ANXA4: variants seen among roughly 807,000 people sequenced by gnomAD.
The protein encoded by ANXA4 is annexin A4.
Under a neutral mutation model 49.8 loss-of-function variants are expected in ANXA4, and 39 were observed. The observed-to-expected ratio is 0.78, with a 90% CI of 0.61 to 1.02. ANXA4 has a LOEUF of 1.02. Among genes scored for constraint, ANXA4 ranks in the 50% least tolerant of loss-of-function variants. The probability of loss-of-function intolerance (pLI) is 0.00; values close to 1 mark genes in which losing one functional copy is unlikely to be tolerated. For missense variants in ANXA4, 360 were observed against 410.1 expected, an observed-to-expected ratio of 0.88 and a Z score of 1.05; for synonymous variants, 134 against 152.5, an observed-to-expected ratio of 0.88 and a Z score of 0.89.
chr2:69,811,499 G>A (rs990800498), intron 7 of ANXA4: 1 of 152,222 alleles, frequency 6.6e-6, no homozygotes, highest in Admixed American at 6.5e-5. Context: ...AATAAAGCAG[G>A]ACTGAGCTAG....
Position 69,819,326 on chromosome 2 carries a change from T to C in ANXA4, c.771T>C (p.Tyr257=), listed in dbSNP as rs1674133809. 3 of 1,607,908 alleles carry C rather than the reference T, an allele frequency of 1.9e-6. No homozygotes were observed. The highest frequency in any genetic ancestry group is 1.7e-6 in the Non-Finnish European group (2 of 1,176,246). ...NKSAYFAEKL[Y]KSMKGLGTDD... ...CTGCATATTTTGCTGAAAAGCTCTA[T>C]AAATCGATGAAGGTAAATGGCCTTA... The change falls in exon 11 of 13, where the codon TAT becomes TAC. Residue 257 remains tyrosine (Y), a synonymous_variant. Transcript: ENST00000394295.
intron 1 of ANXA4, among the ~76,000 whole-genome samples, chr2:69,763,573 G>A (rs1671380125): frequency 6.6e-6 from 1 of 151,030 alleles, no homozygotes; most frequent in African/African-American, 2.4e-5. Flanking sequence ...CTTCCCTCCT[G>A]TACTTTAATT....
intron 1 of ANXA4, among the ~76,000 whole-genome samples, chr2:69,763,913 G>T (rs575645801): frequency 7.2e-5 from 11 of 151,930 alleles, no homozygotes; most frequent in African/African-American, 2.7e-4. Context: ...TGCCCTCCTC[G>T]GCCTCCCAAA....
chr2:69,661,456 C>G (rs1676714360), intron 2 of ANXA4, among the ~76,000 whole-genome samples: 1 of 151,294 alleles, frequency 6.6e-6, no homozygotes, highest in African/African-American at 2.4e-5. Flanking sequence ...CCACCCTGTG[C>G]AAGATGATGA....
intron 9 of ANXA4, 134 bp from the exon 10 acceptor site, chr2:69,818,465 T>C (rs765362397): frequency 9.9e-6 from 5 of 504,930 alleles, no homozygotes; most frequent in Non-Finnish European, 1.8e-5. Context: ...CTTGCCCACA[T>C]TACTAATTAG....
At chr2:69,685,422 T>G (rs945513323) in intron 2 of ANXA4, among the ~76,000 whole-genome samples, 2 of 152,158 alleles carry the variant, frequency 1.3e-5, no homozygotes, top group African/African-American at 4.8e-5. Context: ...ACTGAATGAA[T>G]TAGAAACCAG....
intron 1 of ANXA4, among the ~76,000 whole-genome samples, chr2:69,743,178 G>C (rs72839814): frequency 0.17 from 25,529 of 151,960 alleles, 2,789 homozygotes; most frequent in East Asian, 0.35. Flanking sequence ...TATAGTCTCA[G>C]CTATTCAGGA....
intron 1 of ANXA4, among the ~76,000 whole-genome samples, chr2:69,651,834 G>C (rs1333921914): frequency 1.2e-5 from 1 of 82,704 alleles, no homozygotes; most frequent in Non-Finnish European, 2.4e-5. Flanking sequence ...GGGGGGCGGG[G>C]AGACAGAGTC....
At chr2:69,786,212 G>A (rs965825481) in intron 2 of ANXA4, among the ~76,000 whole-genome samples, 6 of 152,032 alleles carry the variant, frequency 3.9e-5, no homozygotes, top group Non-Finnish European at 1.5e-5. Context: ...GCTGCTCAGG[G>A]GAAAAGATTT....
At chr2:69,661,581 T>A (rs1676719754) in intron 2 of ANXA4, among the ~76,000 whole-genome samples, 2 of 152,090 alleles carry the variant, frequency 1.3e-5, no homozygotes, top group South Asian at 2.1e-4. Context: ...AAAATTTTTT[T>A]AAATCTCACA....
At chr2:69,664,770 A>G (rs1013136085) in intron 2 of ANXA4, among the ~76,000 whole-genome samples, 2 of 152,160 alleles carry the variant, frequency 1.3e-5, no homozygotes, top group African/African-American at 4.8e-5. Flanking sequence ...GAACCCAGGT[A>G]GGCTTCTCGG....
intron 2 of ANXA4, among the ~76,000 whole-genome samples, chr2:69,670,767 T>C (rs934164587): frequency 6.6e-6 from 1 of 152,078 alleles, no homozygotes; most frequent in African/African-American, 2.4e-5. Flanking sequence ...CTCACACCTG[T>C]AATCCCAGCA....
chr2:69,704,347 C>T (rs1485536807), intron 2 of ANXA4, among the ~76,000 whole-genome samples: 4 of 152,126 alleles, frequency 2.6e-5, no homozygotes, highest in African/African-American at 4.8e-5. Context: ...CTAAAATTCT[C>T]TTATAATTTC....
At chr2:69,785,473 G>A (rs149256296) in intron 2 of ANXA4, among the ~76,000 whole-genome samples, 202 of 152,232 alleles carry the variant, frequency 1.3e-3, no homozygotes, top group African/African-American at 4.6e-3. Flanking sequence ...CCATAGGCTT[G>A]TGTGGAGGTA....
chr2:69,663,454 A>G (rs1014154485), intron 2 of ANXA4, among the ~76,000 whole-genome samples: 1 of 151,890 alleles, frequency 6.6e-6, no homozygotes, highest in East Asian at 1.9e-4. Context: ...GAAAAAGACT[A>G]TGGGGAGAAG....
At chr2:69,653,799 A>C (rs1397252989) in intron 2 of ANXA4, among the ~76,000 whole-genome samples, 1 of 152,188 alleles carries the variant, frequency 6.6e-6, no homozygotes, top group African/African-American at 2.4e-5. Flanking sequence ...AATTTAAAGT[A>C]GTTTTTTCTA....
intron 2 of ANXA4, among the ~76,000 whole-genome samples, chr2:69,657,424 A>T (rs1291269077): frequency 6.7e-6 from 1 of 148,470 alleles, no homozygotes; most frequent in Non-Finnish European, 1.5e-5. Flanking sequence ...ATTATAAAAT[A>T]AAACTTACAT....
rs910717244 is a variant in ANXA4 at position 69,714,165 on chromosome 2, G to A, written n.767-6609G>A. Among the ~76,000 whole-genome samples, 40 of 152,240 alleles carry A rather than the reference G, an allele frequency of 2.6e-4. 1 individual carries two copies. The highest frequency in any genetic ancestry group is 2.0e-3 in the Admixed American group (31 of 15,300). On this transcript the variant is annotated intron_variant and non_coding_transcript_variant, in intron 2 of 3. Coordinates refer to the ANXA4 transcript ENST00000418066. ...TACTGGGAGGCTCTTCTCCTTCAAG[G>A]TCTGCCTTCTGACAAGCCCTAGCTC...
At position 69,812,685 on chromosome 2, in the gene ANXA4, T is replaced by C. The variant is rs1673760819; in HGVS notation, c.510T>C (p.Asp170=). ...GGRDEGNYLD[D]ALVRQDAQDL... ...GGGATGAAGGAAATTATCTGGACGA[T>C]GCTCTCGTGAGACAGGATGCCCAGG... Residue 170 remains aspartate, a synonymous_variant, in exon 8 of 13, where the codon GAT becomes GAC. Coordinates refer to ENST00000394295, the MANE Select transcript of ANXA4 (RefSeq NM_001153.5). The C allele has an allele frequency of 6.2e-7, 1 of 1,614,078 alleles. No individual in the cohort carries two copies. Among genetic ancestry groups the C allele is most frequent in the South Asian group, 1.1e-5 (1 of 91,094 alleles).
Sources: gnomAD v4.1 joint callset for allele counts (sites outside exome capture counted in the v4.1 genomes callset) on GRCh38, gnomAD v4.1.1 for gene constraint, MANE v1.5 for transcripts, NCBI Gene and HGNC (gene_info 2026-07-23, HGNC 2026-07-21) for gene names.